The following FAM13A variants were observed in gnomAD, a reference collection of about 807,000 sequenced individuals.
FAM13A encodes the protein family with sequence similarity 13 member A.
FAM13A carries 76 observed loss-of-function variants against 129.6 expected under a neutral mutation model. The ratio of observed to expected loss-of-function variants is 0.59; its 90% confidence interval spans 0.49 to 0.71. The LOEUF (loss-of-function observed/expected upper bound fraction) is 0.71. Ranked by LOEUF, FAM13A falls within the 30% of genes least tolerant of loss-of-function variation. The probability of loss-of-function intolerance (pLI) is 0.00; values close to 1 mark genes in which losing one functional copy is unlikely to be tolerated. For synonymous variants in FAM13A, 443 were observed against 449.9 expected, an observed-to-expected ratio of 0.98 and a Z score of 0.20; for missense variants, 1,108 against 1,249.3, an observed-to-expected ratio of 0.89 and a Z score of 1.70.
At chr4:88,729,449 AT>A (rs1737161646) in intron 23 of FAM13A, 1 of 152,188 alleles carries the variant, frequency 6.6e-6, no homozygotes, top group Non-Finnish European at 1.5e-5. Context: ...TGCCTTTATT[AT>A]TAAAGGGCAA....
intron 11 of FAM13A, chr4:88,768,549 G>A (rs889651464): frequency 1.3e-5 from 2 of 153,854 alleles, no homozygotes; most frequent in African/African-American, 4.8e-5. Flanking sequence ...TGAAGGCGGA[G>A]TATACACATT....
rs1748187274 is a variant in FAM13A, at chr4:88,906,477, T to C, written c.760-15A>G. Reference sequence around the variant, plus strand: ...TAATAGACCTCCTACAAAAGAAGTATAAAGGAAACATTAGAGATTAAAGAA... The same window carrying C: ...TAATAGACCTCCTACAAAAGAAGTACAAAGGAAACATTAGAGATTAAAGAA... On this transcript the variant is annotated splice_polypyrimidine_tract_variant and intron_variant, in intron 5 of 23. Transcript: ENST00000264344. The C allele has an allele frequency of 1.9e-6, 3 of 1,547,976 alleles. No homozygotes were observed. The highest frequency in any genetic ancestry group is 1.4e-5 in the African/African-American group (1 of 72,632).
chr4:88,798,361 C>T (rs2149709356), intron 8 of FAM13A, among the ~76,000 whole-genome samples: 1 of 152,228 alleles, frequency 6.6e-6, no homozygotes, highest in Non-Finnish European at 1.5e-5. Flanking sequence ...CTTTCTTCCC[C>T]ATTGTTCTGT....
At chr4:88,803,194 T>G (rs1198050694) in intron 8 of FAM13A, among the ~76,000 whole-genome samples, 1 of 152,200 alleles carries the variant, frequency 6.6e-6, no homozygotes, top group African/African-American at 2.4e-5. Flanking sequence ...AAATAATTAC[T>G]ATTTTTGCAT....
chr4:88,820,637 T>C (rs146484403), intron 7 of FAM13A, among the ~76,000 whole-genome samples: 2 of 152,332 alleles, frequency 1.3e-5, no homozygotes, highest in Admixed American at 6.5e-5. Flanking sequence ...TTATAAGCGC[T>C]ATAATCATTA....
At chr4:88,908,658 T>C (rs893545639) in intron 5 of FAM13A, among the ~76,000 whole-genome samples, 14 of 152,244 alleles carry the variant, frequency 9.2e-5, no homozygotes, top group African/African-American at 3.4e-4. Context: ...ACATGAATTA[T>C]ATTTACTTTT....
chr4:88,771,417 T>C (rs146731168), intron 11 of FAM13A, among the ~76,000 whole-genome samples: 1 of 152,236 alleles, frequency 6.6e-6, no homozygotes, highest in African/African-American at 2.4e-5. Context: ...CATTAGACCT[T>C]CAAATGTGCT....
At chr4:88,985,653 T>C (rs1762138757) in intron 4 of FAM13A, among the ~76,000 whole-genome samples, 1 of 152,184 alleles carries the variant, frequency 6.6e-6, no homozygotes, top group Admixed American at 6.5e-5. Flanking sequence ...TATCTAATGA[T>C]ATAGAGGCAT....
At chr4:88,835,193 T>A (rs912064344) in intron 7 of FAM13A, among the ~76,000 whole-genome samples, 22 of 152,174 alleles carry the variant, frequency 1.4e-4, no homozygotes, top group Admixed American at 3.3e-4. Context: ...TTGCCCCCTA[T>A]CGTGCCCTGC....
At chr4:89,015,474 T>C (rs1766359055) in intron 3 of FAM13A, among the ~76,000 whole-genome samples, 1 of 152,236 alleles carries the variant, frequency 6.6e-6, no homozygotes, top group Non-Finnish European at 1.5e-5. Context: ...TTTCCCTTTA[T>C]TTCTCAGACT....
At chr4:88,945,810 T>A (rs1026821569) in intron 4 of FAM13A, among the ~76,000 whole-genome samples, 1 of 139,984 alleles carries the variant, frequency 7.1e-6, no homozygotes, top group Non-Finnish European at 1.5e-5. Flanking sequence ...TATATATATA[T>A]TATATATATA....
At chr4:88,859,882 AGTGT>A (rs1347446780) in intron 6 of FAM13A, among the ~76,000 whole-genome samples, 2 of 149,584 alleles carry the variant, frequency 1.3e-5, no homozygotes, top group African/African-American at 4.9e-5. Flanking sequence ...GTGATTTCCA[AGTGT>A]GTCTTTTTCA....
chr4:88,805,254 T>A (rs1188583452), intron 7 of FAM13A, among the ~76,000 whole-genome samples: 1 of 152,216 alleles, frequency 6.6e-6, no homozygotes, highest in Non-Finnish European at 1.5e-5. Context: ...AAGTGAGGCT[T>A]CTTTCAAGAT....
At chr4:88,950,684 T>TGAAATAGTCA (rs1756810040) in intron 4 of FAM13A, among the ~76,000 whole-genome samples, 1 of 152,238 alleles carries the variant, frequency 6.6e-6, no homozygotes, top group Non-Finnish European at 1.5e-5. Flanking sequence ...ACTATTTATC[T>TGAAATAGTCA]GAAATAGTCA....
At chr4:88,988,214 C>T (rs529788693) in intron 4 of FAM13A, among the ~76,000 whole-genome samples, 1 of 152,118 alleles carries the variant, frequency 6.6e-6, no homozygotes, top group Admixed American at 6.5e-5. Flanking sequence ...AACAAAACAA[C>T]AGTGTGGGCA....
intron 7 of FAM13A, among the ~76,000 whole-genome samples, chr4:88,831,854 A>C (rs1359442868): frequency 1.3e-5 from 2 of 151,980 alleles, no homozygotes; most frequent in Non-Finnish European, 2.9e-5. Flanking sequence ...TATTCTCATT[A>C]AACTAACACT....
In FAM13A at chr4:88,727,363, C is replaced by T. The variant is rs1367645044; in HGVS notation, c.*1170G>A. The T allele has an allele frequency of 1.3e-5, 2 of 152,576 alleles. No individual in the cohort carries two copies. The highest frequency in any genetic ancestry group is 4.8e-5 in the African/African-American group (2 of 41,430). 9.5% of individuals were successfully genotyped at this position (152,576 alleles called of 1,614,324 possible). A position where few individuals can be genotyped will look rare whatever the true frequency, so the allele number is the denominator to read the frequency against. Reference sequence around the variant, plus strand: ...ACATTTCCTGGTCCCTCCAAAATGTCTAATATAGACAGTTTTGTGACAAAG... The same window carrying T: ...ACATTTCCTGGTCCCTCCAAAATGTTTAATATAGACAGTTTTGTGACAAAG... On this transcript the variant is annotated 3_prime_UTR_variant, in exon 24 of 24. Coordinates refer to ENST00000264344, the MANE Select transcript of FAM13A (RefSeq NM_014883.4).
intron 3 of FAM13A, among the ~76,000 whole-genome samples, chr4:89,017,194 AT>A (rs879521015): frequency 6.6e-6 from 1 of 151,666 alleles, no homozygotes; most frequent in Admixed American, 6.6e-5. Flanking sequence ...CTTAACTGTA[AT>A]TTTTTTTTAC....
chr4:88,982,335 G>C (rs902670248), intron 4 of FAM13A, among the ~76,000 whole-genome samples: 1 of 152,234 alleles, frequency 6.6e-6, no homozygotes, highest in African/African-American at 2.4e-5. Flanking sequence ...TAACTAGTAC[G>C]ATGGGCAGAG....
Sources: gnomAD v4.1 joint callset for allele counts (sites outside exome capture counted in the v4.1 genomes callset) on GRCh38, gnomAD v4.1.1 for gene constraint, MANE v1.5 for transcripts, NCBI Gene and HGNC (gene_info 2026-07-23, HGNC 2026-07-21) for gene names.